IFT80: variants seen among roughly 807,000 people sequenced by gnomAD.
IFT80 encodes the protein intraflagellar transport 80, also known as intraflagellar transport protein 80 homolog.
A neutral mutation model predicts 107.9 loss-of-function variants in IFT80; 79 were observed. The ratio of observed to expected loss-of-function variants is 0.73; its 90% CI spans 0.61 to 0.88. The LOEUF is 0.88. Among genes scored for constraint, IFT80 ranks in the 40% least tolerant of loss-of-function variants. IFT80 has a pLI of 0.00. For synonymous variants in IFT80, 299 were observed against 300.9 expected, an observed-to-expected ratio of 0.99 and a Z score of 0.07; for missense variants, 797 against 914.2, an observed-to-expected ratio of 0.87 and a Z score of 1.65.
chr3:160,366,273 T>G (rs991377228), intron 5 of IFT80, 121 bp from the exon 6 acceptor site: 28 of 714,590 alleles, frequency 3.9e-5, no homozygotes, highest in Middle Eastern at 7.9e-4. Flanking sequence ...TTCTTCTCTT[T>G]TCAATGGACC....
chr3:160,259,274 C>G (rs1469924414), intron 19 of IFT80, among the ~76,000 whole-genome samples: 2 of 152,106 alleles, frequency 1.3e-5, no homozygotes, highest in Non-Finnish European at 2.9e-5. Flanking sequence ...TCCCATGGAG[C>G]CTTAGGATTG....
chr3:160,307,450 G>A lies in IFT80; in HGVS notation c.1076+213C>T, dbSNP rs6791056. ...AAGCATGAGCCATTGCGCCTCGCTTGTCTATTAACTGTTGATGTACAAACC... is the reference window on the plus strand; with the variant it reads ...AAGCATGAGCCATTGCGCCTCGCTTATCTATTAACTGTTGATGTACAAACC... On this transcript the variant is annotated intron_variant, in intron 10 of 19. Coordinates refer to ENST00000326448, the MANE Select transcript of IFT80 (RefSeq NM_020800.3). 0.4 allele frequency among the ~76,000 whole-genome samples: 60,517 copies of A among 152,088 alleles called. 12,935 individuals carry two copies. Among genetic ancestry groups the A allele is most frequent in the Non-Finnish European group, 0.49 (33,004 of 67,978 alleles).
intron 1 of IFT80, among the ~76,000 whole-genome samples, chr3:160,397,613 T>C (rs1442014140): frequency 6.6e-6 from 1 of 152,092 alleles, no homozygotes; most frequent in East Asian, 1.9e-4. Context: ...CTGTCAAGCA[T>C]ATACCTAAAA....
chr3:160,289,731 T>A (rs1715384622), intron 12 of IFT80, among the ~76,000 whole-genome samples: 1 of 152,126 alleles, frequency 6.6e-6, no homozygotes, highest in Admixed American at 6.5e-5. Context: ...GACCTTCAAT[T>A]ACCTGGAGCA....
chr3:160,310,583 C>T (rs1370982600), intron 9 of IFT80, among the ~76,000 whole-genome samples: 1 of 152,096 alleles, frequency 6.6e-6, no homozygotes, highest in Non-Finnish European at 1.5e-5. Flanking sequence ...ATTTCACAAC[C>T]CCCAATGAAA....
intron 8 of IFT80, among the ~76,000 whole-genome samples, chr3:160,331,772 A>T (rs1425244961): frequency 6.6e-6 from 1 of 151,958 alleles, no homozygotes; most frequent in Non-Finnish European, 1.5e-5. Flanking sequence ...TGATCCTCCC[A>T]CCTCAGCATC....
intron 1 of IFT80, among the ~76,000 whole-genome samples, chr3:160,396,495 C>T (rs904733372): frequency 6.6e-6 from 1 of 152,038 alleles, no homozygotes; most frequent in Non-Finnish European, 1.5e-5. Flanking sequence ...GATGAAAAAA[C>T]CTTGCACTTA....
intron 5 of IFT80, among the ~76,000 whole-genome samples, chr3:160,374,143 C>T (rs1272766915): frequency 7.9e-5 from 12 of 151,796 alleles, no homozygotes; most frequent in Admixed American, 7.2e-4. Flanking sequence ...TGAAGGGTCT[C>T]GGGAAAGAAT....
intron 1 of IFT80, among the ~76,000 whole-genome samples, chr3:160,388,348 T>A (rs1224991431): frequency 2.0e-5 from 3 of 151,232 alleles, no homozygotes; most frequent in Non-Finnish European, 4.4e-5. Context: ...TACACCACCA[T>A]TACTCTGATA....
rs34182424 is a variant in IFT80 at position 160,366,130 on chromosome 3, C to T, written c.462G>A (p.Ala154=). Reference sequence around the variant, plus strand: ...GAACCTTTTCTGAATCAGGGCCCCACGCTACTGAATACACTGGTGTTCCTG... The same window carrying T: ...GAACCTTTTCTGAATCAGGGCCCCATGCTACTGAATACACTGGTGTTCCTG... The part of the protein sequence containing the change: ...AQQGTPVYSV[A]WGPDSEKVLY... Residue 154 remains alanine (A), a synonymous_variant, in exon 6 of 20, where the codon GCG becomes GCA. Coordinates refer to ENST00000326448, the MANE Select transcript of IFT80 (RefSeq NM_020800.3). 31,304 of 1,610,788 alleles carry T rather than the reference C, an allele frequency of 0.019. 404 individuals carry two copies. The highest frequency in any genetic ancestry group is 0.044 in the Middle Eastern group (265 of 5,968).
intron 12 of IFT80, among the ~76,000 whole-genome samples, chr3:160,291,942 A>G (rs1044834565): frequency 2.0e-5 from 3 of 152,236 alleles, no homozygotes. Flanking sequence ...AGCAATGCAG[A>G]GATGAACTGA....
chr3:160,277,134 A>T (rs1296220623), intron 18 of IFT80, among the ~76,000 whole-genome samples, 172 bp downstream of exon 18: 2 of 152,188 alleles, frequency 1.3e-5, no homozygotes, highest in Non-Finnish European at 2.9e-5. Context: ...AATCAGTCAA[A>T]AGTTCAGAGA....
rs548421619 is a variant in IFT80 at position 160,336,990 on chromosome 3, T to C, written c.778-17051A>G. Among the ~76,000 whole-genome samples, 29 of 152,360 alleles carry C rather than the reference T, an allele frequency of 1.9e-4. No homozygotes were observed. In the South Asian group the frequency reaches 5.8e-3, roughly 30 times the overall value. ...TTTTCCCCTCCTCTCCTTTTCTCCA[T>C]ATCTGATTTTAAGTAATAACCCTTT... On this transcript the variant is annotated intron_variant, in intron 8 of 19. Transcript: ENST00000326448.
chr3:160,321,222 C>T (rs1213285187), intron 8 of IFT80, among the ~76,000 whole-genome samples: 1 of 151,820 alleles, frequency 6.6e-6, no homozygotes, highest in Non-Finnish European at 1.5e-5. Flanking sequence ...CTGGGAACTT[C>T]AAAGATACTA....
intron 10 of IFT80, 94 bp from the exon 11 acceptor site, chr3:160,304,083 C>A: frequency 1.2e-6 from 1 of 835,910 alleles, no homozygotes; most frequent in Admixed American, 1.9e-5. Context: ...AAAGTTACTT[C>A]AGTTTCATAG....
At chr3:160,394,782 A>C (rs183615034) in intron 1 of IFT80, among the ~76,000 whole-genome samples, 1 of 152,228 alleles carries the variant, frequency 6.6e-6, no homozygotes, top group East Asian at 1.9e-4. Context: ...TTTAAAAATG[A>C]GATGAATTTG....
chr3:160,258,464 T>C lies in IFT80; in HGVS notation c.*61A>G. 1 of 1,607,332 alleles carries C rather than the reference T, an allele frequency of 6.2e-7. No homozygotes were observed. Among genetic ancestry groups the C allele is most frequent in the Non-Finnish European group, 8.5e-7 (1 of 1,176,420 alleles). On this transcript the variant is annotated 3_prime_UTR_variant, in exon 20 of 20. Coordinates refer to ENST00000326448, the MANE Select transcript of IFT80 (RefSeq NM_020800.3). Reference sequence around the variant, plus strand: ...TTTTCTTTAGCAACCAAAACATGCTTACCCTTGGTTAATCAGAACGTGTTT... The same window carrying C: ...TTTTCTTTAGCAACCAAAACATGCTCACCCTTGGTTAATCAGAACGTGTTT...
chr3:160,311,039 C>T (rs1241017959), intron 9 of IFT80, among the ~76,000 whole-genome samples: 3 of 152,040 alleles, frequency 2.0e-5, no homozygotes, highest in East Asian at 3.9e-4. Flanking sequence ...ATGGGAGGAT[C>T]GTTTGAGCTT....
chr3:160,306,325 C>T (rs981226266), intron 10 of IFT80, among the ~76,000 whole-genome samples: 1 of 152,116 alleles, frequency 6.6e-6, no homozygotes, highest in African/African-American at 2.4e-5. Context: ...ATGTCCTTGC[C>T]ACTATAACTA....
Sources: gnomAD v4.1 joint callset for allele counts (sites outside exome capture counted in the v4.1 genomes callset) on GRCh38, gnomAD v4.1.1 for gene constraint, MANE v1.5 for transcripts, NCBI Gene and HGNC (gene_info 2026-07-23, HGNC 2026-07-21) for gene names.